FMN2: variants seen among roughly 807,000 people sequenced by gnomAD.
FMN2 encodes formin-2.
FMN2 carries 51 observed loss-of-function variants against 142.3 expected under a neutral mutation model. The ratio of observed to expected loss-of-function variants is 0.36; its 90% confidence interval spans 0.29 to 0.45. The LOEUF (loss-of-function observed/expected upper bound fraction) is 0.45. FMN2 is among the 20% of genes least tolerant of loss of function. The pLI, the probability that FMN2 is intolerant of heterozygous loss-of-function variation, is 1.00. For missense variants in FMN2, 1,936 were observed against 2,122.8 expected, an observed-to-expected ratio of 0.91 and a Z score of 1.73; for synonymous variants, 882 against 869.8, an observed-to-expected ratio of 1.01 and a Z score of -0.25.
At chr1:240,114,110 C>T (rs1292436225) in intron 1 of FMN2, among the ~76,000 whole-genome samples, 2 of 152,110 alleles carry the variant, frequency 1.3e-5, no homozygotes, top group Non-Finnish European at 2.9e-5. Flanking sequence ...TTTTATCAAC[C>T]CTTTTTTTCC....
intron 2 of FMN2, chr1:240,171,326 G>A (rs1214793084): frequency 4.4e-6 from 3 of 674,398 alleles, no homozygotes; most frequent in Non-Finnish European, 8.3e-6. Flanking sequence ...CCATCCTGTC[G>A]TGATGTGATG....
intron 15 of FMN2, among the ~76,000 whole-genome samples, chr1:240,433,521 C>G (rs74151677): frequency 0.029 from 4,470 of 152,276 alleles, 177 homozygotes; most frequent in African/African-American, 0.1. Flanking sequence ...AGCATTTTCT[C>G]TCAACGCAGA....
At chr1:240,249,293 T>G (rs562053413) in intron 6 of FMN2, among the ~76,000 whole-genome samples, 1 of 152,164 alleles carries the variant, frequency 6.6e-6, no homozygotes, top group South Asian at 2.1e-4. Flanking sequence ...GAGATAAGGG[T>G]CAAGTTTCAT....
At chr1:240,233,381 T>A (rs1667593407) in intron 6 of FMN2, among the ~76,000 whole-genome samples, 1 of 133,106 alleles carries the variant, frequency 7.5e-6, no homozygotes. Context: ...CGAGACTTCA[T>A]CTCAAAAAAG....
intron 16 of FMN2, among the ~76,000 whole-genome samples, chr1:240,448,825 A>C (rs1675910850): frequency 2.0e-5 from 3 of 152,094 alleles, no homozygotes; most frequent in Admixed American, 2.0e-4. Flanking sequence ...TGTTTTAAAA[A>C]AAATAGTAAT....
intron 16 of FMN2, among the ~76,000 whole-genome samples, chr1:240,448,652 C>T (rs1434577466): frequency 6.6e-6 from 1 of 151,788 alleles, no homozygotes; most frequent in African/African-American, 2.4e-5. Context: ...CCTGTCTCTA[C>T]AAAAACAAAC....
intron 2 of FMN2, chr1:240,171,360 A>T: frequency 1.7e-6 from 1 of 597,520 alleles, no homozygotes; most frequent in East Asian, 2.8e-5. Flanking sequence ...AGGCAGAGAG[A>T]AGCGCCTCCT....
At chr1:240,373,279 G>A (rs1401019358) in intron 14 of FMN2, among the ~76,000 whole-genome samples, 4 of 152,138 alleles carry the variant, frequency 2.6e-5, no homozygotes, top group Non-Finnish European at 5.9e-5. Flanking sequence ...ACAGCTGCTC[G>A]CTGACAGGTC....
At chr1:240,430,080 A>G (rs73128234) in intron 15 of FMN2, among the ~76,000 whole-genome samples, 13,183 of 151,578 alleles carry the variant, frequency 0.087, 1,957 homozygotes, top group African/African-American at 0.3. Flanking sequence ...TAGAGTTGGG[A>G]TTCCACCATG....
In FMN2 at chr1:240,422,655, G is replaced by C. The variant is rs139016354; in HGVS notation, c.4911-15406G>C. ...CGGGAGTTATTTTGTAGATTCCTTG[G>C]CATTTTCTACATAGACGTATTAGTC... is the stretch of plus-strand genomic sequence containing the variant. On this transcript the variant is annotated intron_variant, in intron 15 of 17. Transcript: ENST00000319653. 1.5e-4 allele frequency among the ~76,000 whole-genome samples: 23 copies of C among 152,176 alleles called. No homozygotes were observed. In the East Asian group the frequency reaches 4.4e-3, roughly 29 times the overall value.
At chr1:240,253,357 C>T (rs1225332177) in intron 6 of FMN2, among the ~76,000 whole-genome samples, 1 of 152,078 alleles carries the variant, frequency 6.6e-6, no homozygotes, top group Admixed American at 6.6e-5. Flanking sequence ...ATTCTTTCTT[C>T]TGCTTAATCT....
At chr1:240,340,453 C>T (rs546907539) in intron 13 of FMN2, among the ~76,000 whole-genome samples, 89 of 152,068 alleles carry the variant, frequency 5.9e-4, no homozygotes, top group African/African-American at 1.4e-3. Context: ...TGGTGGTGGG[C>T]GCCTGTAATC....
chr1:240,389,108 G>A (rs549981317), intron 14 of FMN2, among the ~76,000 whole-genome samples: 4 of 152,240 alleles, frequency 2.6e-5, no homozygotes, highest in African/African-American at 9.6e-5. Flanking sequence ...AGTTAATCTT[G>A]TAGTAGAAAA....
At chr1:240,276,485 G>C (rs1329417375) in intron 7 of FMN2, among the ~76,000 whole-genome samples, 1 of 152,106 alleles carries the variant, frequency 6.6e-6, no homozygotes, top group Non-Finnish European at 1.5e-5. Flanking sequence ...CCCTACCTTG[G>C]GGGTTAAGTA....
chr1:240,170,799 C>A, intron 2 of FMN2: 1 of 975,356 alleles, frequency 1.0e-6, no homozygotes, highest in South Asian at 1.3e-5. Context: ...TTATCGTGGG[C>A]GGTAAAGTGG....
chr1:240,366,995 G>A (rs1244900591), intron 14 of FMN2, among the ~76,000 whole-genome samples: 3 of 152,236 alleles, frequency 2.0e-5, no homozygotes, highest in East Asian at 1.9e-4. Context: ...CTGCCTCGGA[G>A]GTAAAGTCAA....
intron 2 of FMN2, among the ~76,000 whole-genome samples, chr1:240,145,633 T>C (rs1023780738): frequency 7.6e-5 from 11 of 145,350 alleles, no homozygotes; most frequent in Non-Finnish European, 1.5e-4. Flanking sequence ...CTTCAGACTG[T>C]CGAGTAGCGA....
chr1:240,145,216 T>C (rs1432157185), intron 2 of FMN2: 14 of 1,434,904 alleles, frequency 9.8e-6, no homozygotes, highest in Middle Eastern at 1.8e-4. Flanking sequence ...CCAGTTCATC[T>C]TGAAGCTGTT....
chr1:240,270,356 T>C (rs1194686609), intron 7 of FMN2, among the ~76,000 whole-genome samples: 1 of 152,084 alleles, frequency 6.6e-6, no homozygotes, highest in Admixed American at 6.6e-5. Context: ...AACAATAGAA[T>C]TTCCACATCA....
Sources: gnomAD v4.1 joint callset for allele counts (sites outside exome capture counted in the v4.1 genomes callset) on GRCh38, gnomAD v4.1.1 for gene constraint, MANE v1.5 for transcripts, NCBI Gene and HGNC (gene_info 2026-07-23, HGNC 2026-07-21) for gene names.